Variants in C11orf54 observed in about 807,000 individuals in gnomAD.
C11orf54 encodes the protein beta-keto L-gulonate decarboxylase.
A neutral mutation model predicts 35.5 loss-of-function variants in C11orf54; 29 were observed. The ratio of observed to expected loss-of-function variants is 0.82; its 90% CI spans 0.61 to 1.11. The LOEUF is 1.11. Ranked by LOEUF, C11orf54 falls within the 50% of genes most tolerant of loss-of-function variation. The pLI is 0.00. For synonymous variants in C11orf54, 108 were observed against 121.1 expected (o/e 0.89, Z 0.71); for missense variants, 373 against 369.2 (o/e 1.01, Z -0.08).
chr11:93,761,603 T>G lies in C11orf54; in HGVS notation c.863T>G (p.Val288Gly). The G allele has an allele frequency of 6.2e-7, 1 of 1,612,880 alleles. No individual in the cohort carries two copies. Among genetic ancestry groups the G allele is most frequent in the Non-Finnish European group, 8.5e-7 (1 of 1,179,086 alleles). The part of the protein sequence containing the change: ...HYHYDTTPDI[V>G]EYLGYFLPAE... Reference sequence around the variant, plus strand: ...CATTATGACACTACTCCAGATATAGTGGAATATCTTGGATACTTCTTACCT... The same window carrying G: ...CATTATGACACTACTCCAGATATAGGGGAATATCTTGGATACTTCTTACCT... The change falls in exon 9 of 9, where the codon GTG (valine) becomes GGG (glycine). Residue 288 changes from valine (V) to glycine (G), a missense_variant. Coordinates refer to ENST00000354421, the MANE Select transcript of C11orf54 (RefSeq NM_001286069.2).
chr11:93,757,789 A>G (rs1328517631), intron 7 of C11orf54, among the ~76,000 whole-genome samples: 2 of 151,740 alleles, frequency 1.3e-5, no homozygotes, highest in Non-Finnish European at 2.9e-5. Flanking sequence ...TCGGCCTCCC[A>G]AAGTGCTGAG....
At chr11:93,749,298 A>T (rs1942676855) in intron 2 of C11orf54, among the ~76,000 whole-genome samples, 1 of 152,092 alleles carries the variant, frequency 6.6e-6, no homozygotes, top group Non-Finnish European at 1.5e-5. Flanking sequence ...CCTGGGCAAC[A>T]AGCCAAAACC....
intron 8 of C11orf54, 34 bp from the exon 9 acceptor site, chr11:93,761,481 T>G: frequency 1.3e-6 from 2 of 1,532,860 alleles, no homozygotes; most frequent in Non-Finnish European, 1.8e-6. Flanking sequence ...ATCAATAATT[T>G]GAGTACTAAC....
chr11:93,747,665 A>G (rs1942556038), intron 2 of C11orf54, among the ~76,000 whole-genome samples: 2 of 152,166 alleles, frequency 1.3e-5, no homozygotes, highest in Admixed American at 6.5e-5. Flanking sequence ...AACTAAAATT[A>G]TAATTTATAA....
Position 93,755,312 on chromosome 11 carries a change from T to TA in C11orf54, c.434dup (p.Tyr145Ter). 6.2e-7 allele frequency: 1 copy of TA among 1,614,158 alleles called. No individual in the cohort carries two copies. The highest frequency in any genetic ancestry group is 8.5e-7 in the Non-Finnish European group (1 of 1,180,022). Residue 145 changes from tyrosine (Y) to a stop codon, truncating the protein, a stop_gained and frameshift_variant, in exon 6 of 9, where the codon TAC (tyrosine) becomes TAAC (stop). Coordinates refer to ENST00000354421, the MANE Select transcript of C11orf54 (RefSeq NM_001286069.2). LOFTEE classifies it high-confidence loss of function. Reference sequence around the variant, plus strand: ...AGATGGAGGGTGCCTACTGGAGAAATACAGTGAGAAATGTCATGATTTTCA... The same window carrying TA: ...AGATGGAGGGTGCCTACTGGAGAAATAACAGTGAGAAATGTCATGATTTTCA... ...PADGGCLLEK[Y>*]SEKCHDFQCA...
At chr11:93,758,718 A>G (rs1943298265) in intron 7 of C11orf54, among the ~76,000 whole-genome samples, 1 of 152,246 alleles carries the variant, frequency 6.6e-6, no homozygotes, top group Non-Finnish European at 1.5e-5. Flanking sequence ...ACGAGCGTAG[A>G]AGGGAAGCTG....
At chr11:93,758,436 C>T (rs911959217) in intron 7 of C11orf54, among the ~76,000 whole-genome samples, 2 of 152,224 alleles carry the variant, frequency 1.3e-5, no homozygotes, top group African/African-American at 4.8e-5. Context: ...CTGCCTTCTC[C>T]ACACAGCTGC....
chr11:93,760,506 C>A (rs1371665539), intron 8 of C11orf54, among the ~76,000 whole-genome samples: 3 of 105,936 alleles, frequency 2.8e-5, no homozygotes, highest in African/African-American at 8.2e-5. Context: ...CAGTATAATC[C>A]CCATCTCAAA....
intron 7 of C11orf54, among the ~76,000 whole-genome samples, chr11:93,758,954 G>T (rs1467185651): frequency 6.6e-6 from 1 of 152,244 alleles, no homozygotes; most frequent in Non-Finnish European, 1.5e-5. Flanking sequence ...GGCCCACTGT[G>T]ATCATCCCAC....
intron 5 of C11orf54, among the ~76,000 whole-genome samples, chr11:93,754,274 G>T (rs1943008305): frequency 6.6e-6 from 1 of 152,080 alleles, no homozygotes; most frequent in South Asian, 2.1e-4. Flanking sequence ...ATAAATGCAG[G>T]GTTCTATGGT....
intron 6 of C11orf54, among the ~76,000 whole-genome samples, chr11:93,756,138 G>T (rs1943130114): frequency 8.4e-6 from 1 of 118,366 alleles, no homozygotes; most frequent in Non-Finnish European, 1.6e-5. Context: ...TTGCACTCCA[G>T]CCTGGGCAAC....
At chr11:93,753,637 T>A in intron 3 of C11orf54, 45 bp from the exon 4 acceptor site, 2 of 1,532,802 alleles carry the variant, frequency 1.3e-6, no homozygotes, top group South Asian at 2.2e-5. Flanking sequence ...GATGTTTGCC[T>A]GTTTTTAAGG....
In C11orf54 at chr11:93,759,821, C is replaced by T. The variant is rs181140249; in HGVS notation, c.737C>T (p.Pro246Leu). Residue 246 changes from proline (P) to leucine (L), a missense_variant, in exon 8 of 9, where the codon CCT becomes CTT. By Grantham distance (98) the Pro-to-Leu change is moderately conservative (BLOSUM62 -3). Transcript: ENST00000354421. ...TTGCATTTTTATGAAATGAAAGCTCCTTTGGTTTGTCTACCAGTTTTTGTC... is the reference window on the plus strand; with the variant it reads ...TTGCATTTTTATGAAATGAAAGCTCTTTTGGTTTGTCTACCAGTTTTTGTC... The part of the protein sequence containing the change: ...KWLHFYEMKA[P>L]LVCLPVFVSR... 148 of 1,609,722 alleles carry T rather than the reference C, an allele frequency of 9.2e-5. 2 individuals carry two copies. The East Asian group carries it at 2.6e-3, about 28-fold the overall frequency.
At chr11:93,744,082 A>G (rs1942312670) in intron 1 of C11orf54, among the ~76,000 whole-genome samples, 1 of 152,196 alleles carries the variant, frequency 6.6e-6, no homozygotes, top group African/African-American at 2.4e-5. Flanking sequence ...GGCCTTCATA[A>G]TTTAAATTTT....
chr11:93,748,814 C>G (rs1467614772), intron 2 of C11orf54, among the ~76,000 whole-genome samples: 91 of 145,218 alleles, frequency 6.3e-4, no homozygotes, highest in Admixed American at 1.4e-4. Flanking sequence ...TCGACCTGGG[C>G]AACAACACGA....
chr11:93,751,365 T>C (rs1215999399), intron 3 of C11orf54, among the ~76,000 whole-genome samples: 2 of 151,734 alleles, frequency 1.3e-5, no homozygotes, highest in Non-Finnish European at 2.9e-5. Flanking sequence ...TTCTTTTAGC[T>C]TCTTCAAAGG....
At position 93,760,810 on chromosome 11, in the gene C11orf54, C is replaced by G. The variant is rs1943421558; in HGVS notation, c.775-705C>G. On this transcript the variant is annotated intron_variant, in intron 8 of 8. Coordinates refer to ENST00000354421, the MANE Select transcript of C11orf54 (RefSeq NM_001286069.2). ...AGTAGCTGGGATTACCGGTACTCAC[C>G]ACCACACCCGGCTAATTTTTGTATT... 2.0e-5 allele frequency among the ~76,000 whole-genome samples: 3 copies of G among 152,030 alleles called. No individual in the cohort carries two copies. In the South Asian group the frequency reaches 6.2e-4, roughly 32 times the overall value.
chr11:93,755,448 C>T, intron 6 of C11orf54, 62 bp downstream of exon 6: 1 of 1,529,894 alleles, frequency 6.5e-7, no homozygotes, highest in South Asian at 1.2e-5. Flanking sequence ...AAAATGTGAA[C>T]TTTTACTGCC....
In C11orf54 at chr11:93,754,055, A is replaced by T. The variant is rs1260900759; in HGVS notation, c.330+18A>T. 2 of 1,592,780 alleles carry T rather than the reference A, an allele frequency of 1.3e-6. No homozygotes were observed. The highest frequency in any genetic ancestry group is 2.7e-5 in the African/African-American group (2 of 73,844). On this transcript the variant is annotated intron_variant, in intron 5 of 8. Coordinates refer to ENST00000354421, the MANE Select transcript of C11orf54 (RefSeq NM_001286069.2). ...ATTCTGAGGTCAGCATATATAAGAA[A>T]ATTATTTTACTTTATTGGTTTGACA... is the stretch of plus-strand genomic sequence containing the variant.
Sources: allele counts gnomAD v4.1 joint callset (sites outside exome capture counted in the v4.1 genomes callset), GRCh38; gene constraint gnomAD v4.1.1; transcripts MANE v1.5; gene names NCBI Gene and HGNC (gene_info 2026-07-23, HGNC 2026-07-21).